The following LAMA3 variants were observed in gnomAD, a reference collection of about 807,000 sequenced individuals.
LAMA3 encodes the protein laminin subunit alpha-3.
A neutral mutation model predicts 402.0 loss-of-function variants in LAMA3; 281 were observed. That is an observed-to-expected ratio of 0.70 (90% CI 0.63 to 0.77). LAMA3 has a LOEUF of 0.77. Among genes scored for constraint, LAMA3 ranks in the 30% least tolerant of loss-of-function variants. The pLI is 0.00. For missense variants in LAMA3, 3,840 were observed against 4,215.5 expected, an observed-to-expected ratio of 0.91 and a Z score of 2.47; for synonymous variants, 1,431 against 1,558.4, an observed-to-expected ratio of 0.92 and a Z score of 1.93.
At chr18:23,907,695 G>A (rs754628576) in intron 53 of LAMA3, 29 bp downstream of exon 53, 61 of 1,611,228 alleles carry the variant, frequency 3.8e-5, no homozygotes, top group African/African-American at 8.0e-5. Flanking sequence ...CATTGTACTC[G>A]GTTGGCTTCT....
intron 13 of LAMA3, 41 bp downstream of exon 13, chr18:23,810,544 T>C (rs1286774700): frequency 1.2e-6 from 2 of 1,611,422 alleles, no homozygotes; most frequent in East Asian, 2.2e-5. Context: ...GGTTCCTCTC[T>C]GAAGTGTGTG....
intron 70 of LAMA3, among the ~76,000 whole-genome samples, chr18:23,947,812 CTTTTTTTT>C (rs35106056): frequency 9.0e-6 from 1 of 110,498 alleles, no homozygotes; most frequent in Admixed American, 9.1e-5. Context: ...TTCCTATTTT[CTTTTTTTT>C]TTTTTTTTTG....
intron 11 of LAMA3, 46 bp downstream of exon 11, chr18:23,777,665 C>T (rs973021646): frequency 7.3e-7 from 1 of 1,369,920 alleles, no homozygotes; most frequent in South Asian, 1.2e-5. Flanking sequence ...AATGTTATGC[C>T]CTTATTCTTT....
At chr18:23,708,214 G>A (rs1397577877) in intron 1 of LAMA3, among the ~76,000 whole-genome samples, 2 of 152,070 alleles carry the variant, frequency 1.3e-5, no homozygotes, top group Non-Finnish European at 2.9e-5. Context: ...TGCATGGGCT[G>A]CCTGTTCTGT....
At chr18:23,799,864 A>G (rs1284395797) in intron 12 of LAMA3, among the ~76,000 whole-genome samples, 1 of 152,246 alleles carries the variant, frequency 6.6e-6, no homozygotes, top group Non-Finnish European at 1.5e-5. Context: ...CTGCAGCTCA[A>G]GTCCAAAGAC....
intron 62 of LAMA3, among the ~76,000 whole-genome samples, chr18:23,925,015 C>CCTGAAA (rs2081964318): frequency 6.6e-6 from 1 of 152,176 alleles, no homozygotes; most frequent in African/African-American, 2.4e-5. Context: ...CCCAGAGATT[C>CCTGAAA]CTGAAACTGC....
chr18:23,837,570 G>GATATAGATATATATATATAT (rs1555707626), intron 25 of LAMA3, among the ~76,000 whole-genome samples: 1 of 83,284 alleles, frequency 1.2e-5, no homozygotes, highest in Admixed American at 1.6e-4. Flanking sequence ...CAGTTAATCA[G>GATATAGATATATATATATAT]ATATATATAT....
chr18:23,941,270 C>G (rs1384154697), intron 68 of LAMA3, among the ~76,000 whole-genome samples: 1 of 150,744 alleles, frequency 6.6e-6, no homozygotes, highest in Non-Finnish European at 1.5e-5. Flanking sequence ...CTGGAGGCCC[C>G]TTTCCCCAGC....
intron 72 of LAMA3, among the ~76,000 whole-genome samples, 181 bp from the exon 73 acceptor site, chr18:23,951,503 G>A (rs1476873191): frequency 6.6e-6 from 1 of 152,182 alleles, no homozygotes; most frequent in African/African-American, 2.4e-5. Context: ...AAGGGATGCA[G>A]CAGAGAGATC....
rs1568180547 is a variant in LAMA3, at chr18:23,784,102, G to C, written c.1548G>C (p.Glu516Asp). 1 of 1,614,016 alleles carries C rather than the reference G, an allele frequency of 6.2e-7. No individual in the cohort carries two copies. The highest frequency in any genetic ancestry group is 8.5e-7 in the Non-Finnish European group (1 of 1,180,036). ...HGRCLCRPGVEGPRCDTCRSG... is the reference protein window; with the variant it reads ...HGRCLCRPGVDGPRCDTCRSG... ...GGTGCCTGTGCCGCCCTGGGGTTGA[G>C]GGCCCTCGATGTGATACCTGCCGCT... The change falls in exon 12 of 75, where the codon GAG becomes GAC. Residue 516 changes from glutamate (E) to aspartate (D), a missense_variant. Glu to Asp is a conservative substitution (Grantham distance 45, BLOSUM62 2). Coordinates refer to ENST00000313654, the MANE Select transcript of LAMA3 (RefSeq NM_198129.4).
intron 37 of LAMA3, among the ~76,000 whole-genome samples, chr18:23,868,627 C>CA (rs1229012151): frequency 1.3e-5 from 2 of 152,106 alleles, no homozygotes; most frequent in African/African-American, 2.4e-5. Context: ...AACAAACAAA[C>CA]AAAAAACCTG....
At chr18:23,822,944 A>G (rs1004734354) in intron 20 of LAMA3, among the ~76,000 whole-genome samples, 4 of 152,216 alleles carry the variant, frequency 2.6e-5, no homozygotes, top group Admixed American at 1.3e-4. Flanking sequence ...GAAGGCCCGC[A>G]GGTCTGTTCT....
intron 8 of LAMA3, among the ~76,000 whole-genome samples, chr18:23,764,741 GACATA>G (rs1169656975): frequency 2.0e-5 from 3 of 152,082 alleles, no homozygotes; most frequent in East Asian, 1.9e-4. Flanking sequence ...TGGTAAAATA[GACATA>G]ACATAAAATT....
chr18:23,938,697 A>G (rs2082388328), intron 67 of LAMA3, among the ~76,000 whole-genome samples: 1 of 151,510 alleles, frequency 6.6e-6, no homozygotes. Flanking sequence ...CTCAAGCGAC[A>G]CTGCAGTTCT....
chr18:23,739,760 GACAA>G (rs2061532772), intron 2 of LAMA3, among the ~76,000 whole-genome samples: 1 of 152,132 alleles, frequency 6.6e-6, no homozygotes, highest in African/African-American at 2.4e-5. Flanking sequence ...TCTAATTTAG[GACAA>G]ATTATCATCA....
chr18:23,863,224 A>T (rs1196916785), intron 35 of LAMA3, among the ~76,000 whole-genome samples: 1 of 152,246 alleles, frequency 6.6e-6, no homozygotes, highest in Non-Finnish European at 1.5e-5. Flanking sequence ...CAAGCGGATC[A>T]TCTGAGGTCA....
At chr18:23,691,322 T>C (rs1234695919) in intron 1 of LAMA3, among the ~76,000 whole-genome samples, 1 of 152,072 alleles carries the variant, frequency 6.6e-6, no homozygotes, top group Non-Finnish European at 1.5e-5. Flanking sequence ...AAAACAGAAA[T>C]CTAAAAGACA....
chr18:23,843,746 C>A (rs2063755399), intron 29 of LAMA3, among the ~76,000 whole-genome samples: 1 of 152,174 alleles, frequency 6.6e-6, no homozygotes, highest in African/African-American at 2.4e-5. Flanking sequence ...GCCCTCACGA[C>A]CCCCTAATTC....
intron 8 of LAMA3, among the ~76,000 whole-genome samples, chr18:23,766,477 A>C (rs2062077226): frequency 6.6e-6 from 1 of 152,208 alleles, no homozygotes; most frequent in African/African-American, 2.4e-5. Context: ...ACGAGATGGA[A>C]ACTCAGATCT....
Sources: gnomAD v4.1 joint callset for allele counts (sites outside exome capture counted in the v4.1 genomes callset) on GRCh38, gnomAD v4.1.1 for gene constraint, MANE v1.5 for transcripts, NCBI Gene and HGNC (gene_info 2026-07-23, HGNC 2026-07-21) for gene names.